ASTN2: variants seen among roughly 807,000 people sequenced by gnomAD.
The protein encoded by ASTN2 is astrotactin 2.
Under a neutral mutation model 139.8 loss-of-function variants are expected in ASTN2, and 54 were observed. The ratio of observed to expected loss-of-function variants is 0.39; its 90% CI spans 0.31 to 0.48. The LOEUF (loss-of-function observed/expected upper bound fraction) is 0.48, where lower values mean the gene tolerates loss of function less well. ASTN2 is among the 20% of genes least tolerant of loss of function. The probability of loss-of-function intolerance (pLI) is 0.95; values close to 1 mark genes in which losing one functional copy is unlikely to be tolerated. For missense variants in ASTN2, 1,565 were observed against 1,725.1 expected (o/e 0.91, Z 1.64); for synonymous variants, 756 against 719.5 (o/e 1.05, Z -0.81).
At chr9:117,179,770 GC>G (rs1264479521) in intron 3 of ASTN2, among the ~76,000 whole-genome samples, 2 of 152,092 alleles carry the variant, frequency 1.3e-5, no homozygotes, top group African/African-American at 4.8e-5. Flanking sequence ...AGACCCCACT[GC>G]AGATCTGTCA....
intron 19 of ASTN2, among the ~76,000 whole-genome samples, chr9:116,522,335 T>C (rs1830583): frequency 0.17 from 25,486 of 152,044 alleles, 2,404 homozygotes; most frequent in African/African-American, 0.24. Context: ...TGCTCAGCTA[T>C]AAAAAGGTAT....
chr9:117,169,029 G>A (rs1022879031), intron 3 of ASTN2, among the ~76,000 whole-genome samples: 10 of 152,022 alleles, frequency 6.6e-5, no homozygotes, highest in Admixed American at 2.6e-4. Flanking sequence ...GGATAATAGC[G>A]CTTACCTGAA....
At chr9:116,434,937 G>A (rs1232794173) in intron 22 of ASTN2, among the ~76,000 whole-genome samples, 1 of 152,174 alleles carries the variant, frequency 6.6e-6, no homozygotes, top group East Asian at 1.9e-4. Context: ...ATTTAGGAAA[G>A]ATTTGAAAAC....
rs528196079 is a variant in ASTN2 at position 116,933,043 on chromosome 9, A to T, written c.1889+42165T>A. On this transcript the variant is annotated intron_variant, in intron 10 of 22. Transcript: ENST00000313400. The stretch of plus-strand genomic sequence containing the variant: ...AAAAAAAAAAAAGAGCTACAATTTC[A>T]GTCCTAGGTTGTTACTTCTGTACTT... 3.4e-5 allele frequency among the ~76,000 whole-genome samples: 5 copies of T among 148,750 alleles called. No homozygotes were observed. The South Asian group carries it at 8.5e-4, about 25-fold the overall frequency.
At chr9:117,389,638 G>T (rs543954831) in intron 1 of ASTN2, among the ~76,000 whole-genome samples, 1 of 152,112 alleles carries the variant, frequency 6.6e-6, no homozygotes, top group Non-Finnish European at 1.5e-5. Context: ...GACCATATTC[G>T]ACACTGGTAT....
chr9:117,216,030 A>G (rs963925596), intron 2 of ASTN2, among the ~76,000 whole-genome samples: 1 of 152,100 alleles, frequency 6.6e-6, no homozygotes, highest in Non-Finnish European at 1.5e-5. Flanking sequence ...CTTTCAATCC[A>G]CCTGTGTGGT....
chr9:117,345,026 C>A (rs1026847532), intron 1 of ASTN2, among the ~76,000 whole-genome samples: 3 of 151,948 alleles, frequency 2.0e-5, no homozygotes, highest in Non-Finnish European at 4.4e-5. Context: ...ATGAAAGGAC[C>A]CAGGAATCTA....
intron 19 of ASTN2, among the ~76,000 whole-genome samples, chr9:116,502,290 AACACACAGACACAAAGACACACACTC>A (rs1265210455): frequency 1.3e-5 from 2 of 151,694 alleles, no homozygotes; most frequent in Non-Finnish European, 2.9e-5. Context: ...GGAGACACAC[AACACACAGACACAAAGACACACACTC>A]ACACACAGAG....
chr9:116,960,834 A>G lies in ASTN2; in HGVS notation c.1889+14374T>C, dbSNP rs1835856104. ...AGACCAGGCTGATCATTCCTTCTAG[A>G]TGCCATGTTTACCTGACTGGACCAG... is the stretch of plus-strand genomic sequence containing the variant. On this transcript the variant is annotated intron_variant, in intron 10 of 22. Transcript: ENST00000313400. 2.0e-5 allele frequency among the ~76,000 whole-genome samples: 3 copies of G among 152,134 alleles called. No homozygotes were observed. The East Asian group carries it at 5.8e-4, about 29-fold the overall frequency.
chr9:116,588,735 C>T (rs1196359148), intron 19 of ASTN2, among the ~76,000 whole-genome samples: 1 of 152,112 alleles, frequency 6.6e-6, no homozygotes, highest in Non-Finnish European at 1.5e-5. Context: ...TTGAAGAATG[C>T]CACTTACATA....
intron 19 of ASTN2, among the ~76,000 whole-genome samples, chr9:116,560,745 C>T (rs553950786): frequency 6.6e-6 from 1 of 152,196 alleles, no homozygotes; most frequent in East Asian, 1.9e-4. Flanking sequence ...TCTCTGGGAC[C>T]TGGGAGGCAT....
chr9:117,089,275 G>C (rs1025305315), intron 5 of ASTN2, among the ~76,000 whole-genome samples: 1 of 152,182 alleles, frequency 6.6e-6, no homozygotes, highest in Non-Finnish European at 1.5e-5. Context: ...GTGTGGACTT[G>C]AGCACACATC....
intron 3 of ASTN2, among the ~76,000 whole-genome samples, chr9:117,157,974 C>T (rs1466215198): frequency 2.0e-5 from 3 of 152,010 alleles, no homozygotes; most frequent in Non-Finnish European, 4.4e-5. Flanking sequence ...AAAAGAGCTG[C>T]AATTTATTAA....
intron 13 of ASTN2, among the ~76,000 whole-genome samples, chr9:116,786,515 T>C (rs1191046720): frequency 1.3e-5 from 2 of 152,176 alleles, no homozygotes; most frequent in Non-Finnish European, 2.9e-5. Flanking sequence ...TGGTTACTCT[T>C]ATTACTACAA....
At chr9:117,135,142 A>G (rs1020492299) in intron 4 of ASTN2, among the ~76,000 whole-genome samples, 4 of 152,246 alleles carry the variant, frequency 2.6e-5, no homozygotes, top group Non-Finnish European at 4.4e-5. Context: ...ATAATTTCAC[A>G]GCTCAAAGAT....
intron 2 of ASTN2, among the ~76,000 whole-genome samples, chr9:117,257,722 G>T (rs1390431247): frequency 6.6e-6 from 1 of 152,214 alleles, no homozygotes; most frequent in Non-Finnish European, 1.5e-5. Context: ...CTGGGGAAAT[G>T]ATATATACCT....
At chr9:116,980,405 A>C (rs1268240232) in intron 7 of ASTN2, among the ~76,000 whole-genome samples, 1 of 152,122 alleles carries the variant, frequency 6.6e-6, no homozygotes, top group East Asian at 1.9e-4. Flanking sequence ...AAAAAAAAGA[A>C]AAGTGTTTCC....
intron 19 of ASTN2, among the ~76,000 whole-genome samples, chr9:116,531,706 T>C (rs1244285017): frequency 2.0e-5 from 3 of 152,214 alleles, no homozygotes; most frequent in Non-Finnish European, 4.4e-5. Context: ...CATCCTTTTT[T>C]ATGGCTACAT....
chr9:116,434,039 C>T (rs1448177355), intron 22 of ASTN2, among the ~76,000 whole-genome samples: 6 of 152,004 alleles, frequency 3.9e-5, no homozygotes, highest in Non-Finnish European at 8.8e-5. Context: ...ATCCATGGGA[C>T]ACTAGTTCAA....
Sources: allele counts gnomAD v4.1 joint callset (sites outside exome capture counted in the v4.1 genomes callset), GRCh38; gene constraint gnomAD v4.1.1; transcripts MANE v1.5; gene names NCBI Gene and HGNC (gene_info 2026-07-23, HGNC 2026-07-21).